PDZRN4: variants seen among roughly 807,000 people sequenced by gnomAD.
The protein encoded by PDZRN4 is PDZ domain containing ring finger 4.
Under a neutral mutation model 99.0 loss-of-function variants are expected in PDZRN4, and 70 were observed. That is an observed-to-expected ratio of 0.71 (90% CI 0.58 to 0.86). The LOEUF (loss-of-function observed/expected upper bound fraction) is 0.86, where lower values mean the gene tolerates loss of function less well. Ranked by LOEUF, PDZRN4 falls within the 40% of genes least tolerant of loss-of-function variation. The pLI is 0.00. For missense variants in PDZRN4, 1,474 were observed against 1,331.2 expected (o/e 1.11, Z -1.67); for synonymous variants, 551 against 501.6 (o/e 1.10, Z -1.32).
intron 3 of PDZRN4, among the ~76,000 whole-genome samples, chr12:41,218,311 G>A (rs1479103828): frequency 1.3e-5 from 2 of 152,004 alleles, no homozygotes; most frequent in East Asian, 3.9e-4. Context: ...AGAAGACAGG[G>A]CACATGAGAG....
rs80312681 is a variant in PDZRN4 at position 41,409,164 on chromosome 12, T to C, written c.844-97292T>C. ...AAGTCATATTAATATAACCTGTAAATAAAGGGAATTTATCATACTTTTAGA... is the reference window on the plus strand; with the variant it reads ...AAGTCATATTAATATAACCTGTAAACAAAGGGAATTTATCATACTTTTAGA... On this transcript the variant is annotated intron_variant, in intron 3 of 9. Transcript: ENST00000402685. 2.1e-4 allele frequency among the ~76,000 whole-genome samples: 32 copies of C among 152,266 alleles called. No homozygotes were observed. In the East Asian group the frequency reaches 6.2e-3, roughly 29 times the overall value.
At chr12:41,224,230 A>C (rs1566372845) in intron 3 of PDZRN4, among the ~76,000 whole-genome samples, 1 of 151,804 alleles carries the variant, frequency 6.6e-6, no homozygotes, top group Non-Finnish European at 1.5e-5. Context: ...GAAGCACTTG[A>C]GTTGGGCTTT....
chr12:41,356,844 G>GA (rs1406264004), intron 3 of PDZRN4, among the ~76,000 whole-genome samples: 1 of 151,898 alleles, frequency 6.6e-6, no homozygotes. Flanking sequence ...ATTCTGTTCA[G>GA]AAAAATGTTC....
intron 3 of PDZRN4, among the ~76,000 whole-genome samples, chr12:41,317,246 GGGGCT>G: frequency 2.5e-5 from 1 of 39,716 alleles, no homozygotes; most frequent in East Asian, 1.7e-3. Flanking sequence ...ACATGGTTGT[GGGGCT>G]GTCAAATTCA....
At chr12:41,515,168 A>G (rs895630888) in intron 5 of PDZRN4, among the ~76,000 whole-genome samples, 15 of 152,038 alleles carry the variant, frequency 9.9e-5, no homozygotes, top group Non-Finnish European at 1.9e-4. Context: ...CAAACCTATC[A>G]AAGAGTTTGA....
chr12:41,283,282 G>C (rs925442153), intron 3 of PDZRN4, among the ~76,000 whole-genome samples: 2 of 151,984 alleles, frequency 1.3e-5, no homozygotes, highest in African/African-American at 4.8e-5. Context: ...TAAATTCCTG[G>C]ATACATACAC....
intron 3 of PDZRN4, among the ~76,000 whole-genome samples, chr12:41,429,057 G>T (rs1329755520): frequency 6.6e-6 from 1 of 152,200 alleles, no homozygotes; most frequent in African/African-American, 2.4e-5. Context: ...TTGCTAGGTA[G>T]AATTTAATAT....
At chr12:41,352,923 T>G (rs1233232213) in intron 3 of PDZRN4, among the ~76,000 whole-genome samples, 2 of 152,098 alleles carry the variant, frequency 1.3e-5, no homozygotes, top group Non-Finnish European at 2.9e-5. Context: ...CCATAATGAA[T>G]AATATGGATT....
intron 3 of PDZRN4, among the ~76,000 whole-genome samples, chr12:41,439,696 A>T (rs1235514514): frequency 3.9e-5 from 6 of 152,076 alleles, no homozygotes; most frequent in Admixed American, 3.9e-4. Flanking sequence ...CATGCTCTTT[A>T]TTGCCTCTAC....
chr12:41,256,819 G>C (rs1481130540), intron 3 of PDZRN4, among the ~76,000 whole-genome samples: 3 of 152,114 alleles, frequency 2.0e-5, no homozygotes, highest in East Asian at 3.9e-4. Context: ...GCCTATCTCA[G>C]GGAATGGTAT....
chr12:41,412,348 G>A (rs1003629679), intron 3 of PDZRN4: 5 of 152,166 alleles, frequency 3.3e-5, no homozygotes, highest in Admixed American at 1.3e-4. Flanking sequence ...GGGCATGAGC[G>A]AGAAGTGATT....
intron 3 of PDZRN4, among the ~76,000 whole-genome samples, chr12:41,208,854 CT>C (rs964804024): frequency 1.3e-5 from 2 of 151,202 alleles, no homozygotes; most frequent in Non-Finnish European, 1.5e-5. Context: ...CTTTTCTTTC[CT>C]TTTTTTAAAA....
chr12:41,471,134 C>A (rs1034455386), intron 3 of PDZRN4, among the ~76,000 whole-genome samples: 1 of 152,214 alleles, frequency 6.6e-6, no homozygotes, highest in South Asian at 2.1e-4. Flanking sequence ...TGCAGAGCTA[C>A]AGTGACAAAC....
At chr12:41,249,621 G>A (rs1951155179) in intron 3 of PDZRN4, among the ~76,000 whole-genome samples, 1 of 152,134 alleles carries the variant, frequency 6.6e-6, no homozygotes, top group Admixed American at 6.5e-5. Flanking sequence ...CCTTGCTATT[G>A]CAGTTTATTT....
chr12:41,506,317 A>G, intron 3 of PDZRN4, 139 bp from the exon 4 acceptor site: 1 of 679,590 alleles, frequency 1.5e-6, no homozygotes, highest in Non-Finnish European at 2.4e-6. Context: ...TTCAGTAAAT[A>G]TTAATATCTG....
chr12:41,247,170 A>ATTTT lies in PDZRN4; in HGVS notation c.843+52982_843+52983insTTTT, dbSNP rs1591983732. Among the ~76,000 whole-genome samples the ATTTT allele has an allele frequency of 2.6e-5, 4 of 152,362 alleles. No individual in the cohort carries two copies. In the East Asian group the frequency reaches 7.7e-4, roughly 29 times the overall value. On this transcript the variant is annotated intron_variant, in intron 3 of 9. Transcript: ENST00000402685. Reference sequence around the variant, plus strand: ...CCAAAATAATCATGGTCCAAGGTACAACATAAGTAAAAATGTTTAGAGAGT... The same window carrying ATTTT: ...CCAAAATAATCATGGTCCAAGGTACATTTTACATAAGTAAAAATGTTTAGAGAGT...
At chr12:41,453,902 A>G (rs1291025154) in intron 3 of PDZRN4, among the ~76,000 whole-genome samples, 2 of 152,000 alleles carry the variant, frequency 1.3e-5, no homozygotes, top group South Asian at 4.1e-4. Context: ...TTTTCAGCTC[A>G]CTTTAAAATT....
At chr12:41,509,181 G>A (rs2120681729) in intron 4 of PDZRN4, among the ~76,000 whole-genome samples, 1 of 152,140 alleles carries the variant, frequency 6.6e-6, no homozygotes, top group African/African-American at 2.4e-5. Context: ...TTGAAACCTT[G>A]TGGCTTATAG....
At chr12:41,454,332 C>T (rs1364529735) in intron 3 of PDZRN4, among the ~76,000 whole-genome samples, 40 of 152,208 alleles carry the variant, frequency 2.6e-4, no homozygotes, top group Non-Finnish European at 2.9e-4. Context: ...GTCTCAACAC[C>T]TCTTTCCTCC....
Sources: gnomAD v4.1 joint callset for allele counts (sites outside exome capture counted in the v4.1 genomes callset) on GRCh38, gnomAD v4.1.1 for gene constraint, MANE v1.5 for transcripts, NCBI Gene and HGNC (gene_info 2026-07-23, HGNC 2026-07-21) for gene names.